Variants in RARB observed in about 807,000 individuals in gnomAD.
RARB encodes retinoic acid receptor beta, also known as HBV-activated protein.
In RARB, 17 loss-of-function variants were observed where a neutral mutation model predicts 51.9. That is an observed-to-expected ratio of 0.33 (90% CI 0.22 to 0.49). The LOEUF is 0.49. Among genes scored for constraint, RARB ranks in the 20% least tolerant of loss-of-function variants. The pLI is 0.99. For synonymous variants in RARB, 215 were observed against 195.4 expected (o/e 1.10, Z -0.84); for missense variants, 369 against 550.8 (o/e 0.67, Z 3.30).
chr3:24,873,407 C>G (rs1442240167), intron 2 of RARB, among the ~76,000 whole-genome samples: 1 of 151,920 alleles, frequency 6.6e-6, no homozygotes, highest in African/African-American at 2.4e-5. Flanking sequence ...TAACAATTAT[C>G]TTTTTAAATC....
chr3:25,357,184 C>G (rs1249185271), intron 5 of RARB, among the ~76,000 whole-genome samples: 1 of 152,262 alleles, frequency 6.6e-6, no homozygotes, highest in African/African-American at 2.4e-5. Flanking sequence ...CTGTTGTTTC[C>G]TGACTTTTTA....
chr3:24,974,493 T>C (rs6775590), intron 2 of RARB, among the ~76,000 whole-genome samples: 73,371 of 151,790 alleles, frequency 0.48, 18,155 homozygotes, highest in Admixed American at 0.6. Context: ...ATGTCATGGA[T>C]GTTAAAATAC....
At chr3:25,177,738 A>G (rs1042869292) in intron 5 of RARB, among the ~76,000 whole-genome samples, 2 of 152,096 alleles carry the variant, frequency 1.3e-5, no homozygotes, top group Non-Finnish European at 2.9e-5. Context: ...TGCATATTGA[A>G]CTTCTCTAAG....
chr3:25,422,043 C>T (rs1707877930), intron 5 of RARB, among the ~76,000 whole-genome samples: 1 of 152,088 alleles, frequency 6.6e-6, no homozygotes, highest in African/African-American at 2.4e-5. Context: ...GCTGTTGCAC[C>T]CTTGAAATAT....
chr3:24,982,119 T>C (rs1480934193), intron 2 of RARB, among the ~76,000 whole-genome samples: 1 of 152,196 alleles, frequency 6.6e-6, no homozygotes, highest in African/African-American at 2.4e-5. Flanking sequence ...CTGGCATGTG[T>C]GGTCAGATGA....
intron 5 of RARB, among the ~76,000 whole-genome samples, chr3:25,334,377 T>C (rs1294624186): frequency 6.6e-6 from 1 of 152,178 alleles, no homozygotes; most frequent in Non-Finnish European, 1.5e-5. Flanking sequence ...ATGTCCTTTT[T>C]AGGGACATGG....
intron 5 of RARB, among the ~76,000 whole-genome samples, chr3:25,383,002 A>G: frequency 6.6e-6 from 1 of 152,214 alleles, no homozygotes; most frequent in East Asian, 1.9e-4. Context: ...TAGAGTGAGA[A>G]CATCTAGATT....
intron 4 of RARB, among the ~76,000 whole-genome samples, chr3:25,163,429 T>A (rs915234395): frequency 6.7e-6 from 1 of 149,896 alleles, no homozygotes; most frequent in African/African-American, 2.5e-5. Flanking sequence ...TGCTTGAGCC[T>A]GGGAGGGCAA....
chr3:25,347,277 T>C (rs1218618186), intron 5 of RARB, among the ~76,000 whole-genome samples: 1 of 152,160 alleles, frequency 6.6e-6, no homozygotes, highest in East Asian at 1.9e-4. Context: ...CAATGTGGAA[T>C]GCAAATTCAG....
intron 2 of RARB, among the ~76,000 whole-genome samples, chr3:24,897,681 A>T (rs1314622484): frequency 6.6e-6 from 1 of 151,596 alleles, no homozygotes; most frequent in African/African-American, 2.4e-5. Context: ...TACTCAATGA[A>T]ATCTTAAAAC....
intron 2 of RARB, among the ~76,000 whole-genome samples, chr3:24,888,953 C>T (rs1703319088): frequency 6.6e-6 from 1 of 152,162 alleles, no homozygotes; most frequent in South Asian, 2.1e-4. Context: ...AACTGGAAAA[C>T]AGTAACTGTC....
intron 1 of RARB, among the ~76,000 whole-genome samples, chr3:24,853,150 TAAA>T (rs779808875): frequency 2.3e-5 from 3 of 129,080 alleles, no homozygotes; most frequent in Admixed American, 7.8e-5. Flanking sequence ...CTGTCTTTAC[TAAA>T]AAAAAAAAAA....
chr3:25,323,710 G>A (rs1038081429), intron 5 of RARB, among the ~76,000 whole-genome samples: 2 of 152,152 alleles, frequency 1.3e-5, no homozygotes, highest in African/African-American at 2.4e-5. Flanking sequence ...CATTTTTATA[G>A]TGGACCTCTA....
At chr3:25,445,161 G>T (rs990783126) in intron 1 of RARB, among the ~76,000 whole-genome samples, 8 of 152,108 alleles carry the variant, frequency 5.3e-5, no homozygotes, top group Middle Eastern at 3.4e-3. Flanking sequence ...TGTTGCCCAG[G>T]CTGCTCTTGA....
chr3:25,522,473 G>A (rs561894557), intron 3 of RARB, among the ~76,000 whole-genome samples: 29 of 152,140 alleles, frequency 1.9e-4, no homozygotes, highest in Non-Finnish European at 3.4e-4. Context: ...TCTTTATTTA[G>A]CAGTAAGGTT....
chr3:25,420,281 A>T (rs1456655357), intron 5 of RARB, among the ~76,000 whole-genome samples: 1 of 152,002 alleles, frequency 6.6e-6, no homozygotes, highest in Non-Finnish European at 1.5e-5. Context: ...TCCCTCTCCA[A>T]CTGCCCCTCT....
At chr3:25,364,647 G>C (rs1025366701) in intron 5 of RARB, among the ~76,000 whole-genome samples, 1 of 152,164 alleles carries the variant, frequency 6.6e-6, no homozygotes, top group East Asian at 1.9e-4. Flanking sequence ...GACTTGTTTG[G>C]GCTGTATCGG....
At chr3:25,407,166 C>T (rs563801187) in intron 5 of RARB, among the ~76,000 whole-genome samples, 58 of 152,300 alleles carry the variant, frequency 3.8e-4, no homozygotes, top group African/African-American at 1.4e-3. Context: ...GGCAGTTCCC[C>T]ACTGCCTATA....
intron 3 of RARB, among the ~76,000 whole-genome samples, chr3:25,568,875 C>T (rs1039412116): frequency 6.6e-6 from 1 of 152,206 alleles, no homozygotes; most frequent in Non-Finnish European, 1.5e-5. Context: ...TTTCTTTCCT[C>T]GCGAGATCCT....
Sources: gnomAD v4.1 joint callset for allele counts (sites outside exome capture counted in the v4.1 genomes callset) on GRCh38, gnomAD v4.1.1 for gene constraint, MANE v1.5 for transcripts, NCBI Gene and HGNC (gene_info 2026-07-23, HGNC 2026-07-21) for gene names.